MPZL1: variants seen among roughly 807,000 people sequenced by gnomAD.
MPZL1 encodes the protein myelin protein zero like 1, also known as myelin protein zero-like protein 1.
A neutral mutation model predicts 29.3 loss-of-function variants in MPZL1; 16 were observed. The observed-to-expected ratio is 0.55, with a 90% CI of 0.37 to 0.83. The LOEUF is 0.83. MPZL1 is among the 40% of genes least tolerant of loss of function. The pLI is 0.00. For missense variants in MPZL1, 279 were observed against 332.9 expected (o/e 0.84, Z 1.26); for synonymous variants, 143 against 132.0 (o/e 1.08, Z -0.57).
chr1:167,772,755 C>T (rs4657710), intron 3 of MPZL1, among the ~76,000 whole-genome samples: 9,058 of 152,170 alleles, frequency 0.06, 353 homozygotes, highest in Middle Eastern at 0.1. Context: ...ATGAATTTTT[C>T]AGTGTTAATT....
chr1:167,764,829 C>A lies in MPZL1; in HGVS notation c.92-754C>A, dbSNP rs893268057. 4.0e-5 allele frequency among the ~76,000 whole-genome samples: 6 copies of A among 151,192 alleles called. No individual in the cohort carries two copies. The East Asian group carries it at 1.2e-3, about 29-fold the overall frequency. ...AATAAAAAGAAATGAGATATTATGC[C>A]ACAAAAAGACACGGAAGAAAGTTAA... On this transcript the variant is annotated intron_variant, in intron 1 of 5. Coordinates refer to ENST00000359523, the MANE Select transcript of MPZL1 (RefSeq NM_003953.6).
rs542775945 is a variant in MPZL1 at position 167,737,170 on chromosome 1, T to C, written c.91+14928T>C. Among the ~76,000 whole-genome samples, 60 of 152,332 alleles carry C rather than the reference T, an allele frequency of 3.9e-4. 1 individual carries two copies. The highest frequency in any genetic ancestry group is 3.4e-3 in the Middle Eastern group (1 of 294). On this transcript the variant is annotated intron_variant, in intron 1 of 5. Coordinates refer to ENST00000359523, the MANE Select transcript of MPZL1 (RefSeq NM_003953.6). ...CCAAATACAGGAACTGTGTGTCTTATATACTTTGGGTCTCCAATGCTTAAC... is the reference window on the plus strand; with the variant it reads ...CCAAATACAGGAACTGTGTGTCTTACATACTTTGGGTCTCCAATGCTTAAC...
chr1:167,786,212 C>T (rs1661590313), intron 5 of MPZL1, among the ~76,000 whole-genome samples: 2 of 152,212 alleles, frequency 1.3e-5, no homozygotes, highest in Admixed American at 1.3e-4. Context: ...TTAATATTTC[C>T]TATGACAGCC....
At chr1:167,728,160 C>T (rs1660191327) in intron 1 of MPZL1, among the ~76,000 whole-genome samples, 1 of 151,706 alleles carries the variant, frequency 6.6e-6, no homozygotes, top group Non-Finnish European at 1.5e-5. Flanking sequence ...CTGCCTCAGC[C>T]TGCCGAGTAG....
At chr1:167,724,552 A>G (rs1197288604) in intron 1 of MPZL1, among the ~76,000 whole-genome samples, 1 of 152,236 alleles carries the variant, frequency 6.6e-6, no homozygotes, top group African/African-American at 2.4e-5. Context: ...GCTTGGAAAC[A>G]TTGATGCAGG....
chr1:167,760,305 C>T (rs1660956401), intron 1 of MPZL1, among the ~76,000 whole-genome samples: 1 of 152,146 alleles, frequency 6.6e-6, no homozygotes, highest in Non-Finnish European at 1.5e-5. Flanking sequence ...CGGGTTCACG[C>T]CATTCTCCTG....
In MPZL1 at chr1:167,791,356, C is replaced by A. The variant is rs1276932076; in HGVS notation, c.*3435C>A. On this transcript the variant is annotated 3_prime_UTR_variant, in exon 6 of 6. Coordinates refer to ENST00000359523, the MANE Select transcript of MPZL1 (RefSeq NM_003953.6). ...ACTGAGAACAATCCTGTGCCAAGCA[C>A]TGTGCTAAGCATAAGGAAACAAAAC... The A allele has an allele frequency of 6.6e-6, 1 of 152,246 alleles. No individual in the cohort carries two copies. Among genetic ancestry groups the A allele is most frequent in the Non-Finnish European group, 1.5e-5 (1 of 68,060 alleles). 9.4% of individuals were successfully genotyped at this position (152,246 alleles called of 1,614,324 possible). A position where few individuals can be genotyped will look rare whatever the true frequency, so the allele number is the denominator to read the frequency against.
chr1:167,723,019 A>G (rs1331039137), intron 1 of MPZL1, among the ~76,000 whole-genome samples: 2 of 152,254 alleles, frequency 1.3e-5, no homozygotes, highest in Admixed American at 1.3e-4. Flanking sequence ...TTGTGACTCA[A>G]GCTTAAGGTA....
intron 1 of MPZL1, chr1:167,764,954 A>G (rs955159147): frequency 6.6e-6 from 1 of 152,292 alleles, no homozygotes; most frequent in African/African-American, 2.4e-5. Context: ...TAGAGACAGT[A>G]TAAGGTCAGT....
intron 5 of MPZL1, among the ~76,000 whole-genome samples, chr1:167,782,674 C>T (rs1661520374): frequency 6.6e-6 from 1 of 152,142 alleles, no homozygotes; most frequent in South Asian, 2.1e-4. Flanking sequence ...TCAAAAAGGA[C>T]TTGGCAGATG....
intron 1 of MPZL1, among the ~76,000 whole-genome samples, chr1:167,758,062 G>A (rs1017835272): frequency 6.6e-6 from 1 of 151,604 alleles, no homozygotes; most frequent in African/African-American, 2.4e-5. Context: ...GCTGAGGCCA[G>A]AGAATCACTT....
intron 1 of MPZL1, among the ~76,000 whole-genome samples, chr1:167,724,000 G>A (rs1660093213): frequency 1.3e-5 from 2 of 152,156 alleles, no homozygotes; most frequent in African/African-American, 2.4e-5. Flanking sequence ...TGTTGCCCAG[G>A]CTGCTCTGGA....
intron 1 of MPZL1, among the ~76,000 whole-genome samples, chr1:167,742,421 T>C (rs1283114426): frequency 6.6e-6 from 1 of 152,112 alleles, no homozygotes; most frequent in Non-Finnish European, 1.5e-5. Flanking sequence ...CTTAATAGTA[T>C]CTTTCAAATA....
Position 167,765,730 on chromosome 1 carries a change from G to C in MPZL1, c.239G>C (p.Gly80Ala). The change falls in exon 2 of 6, where the codon GGG becomes GCG. Residue 80 changes from glycine to alanine, a missense_variant. Transcript: ENST00000359523. The part of the protein sequence containing the change: ...TSVSWSFQPE[G>A]ADTTVSFFHY... ...GTCTCCTGGAGCTTCCAGCCAGAGG[G>C]GGCCGACACTACTGTGTCGGTAAGA... is the stretch of plus-strand genomic sequence containing the variant. 5 of 1,610,916 alleles carry C rather than the reference G, an allele frequency of 3.1e-6. No homozygotes were observed. Among genetic ancestry groups the C allele is most frequent in the Non-Finnish European group, 4.2e-6 (5 of 1,178,582 alleles).
intron 1 of MPZL1, among the ~76,000 whole-genome samples, chr1:167,763,840 C>A (rs184092824): frequency 6.6e-6 from 1 of 152,268 alleles, no homozygotes; most frequent in African/African-American, 2.4e-5. Flanking sequence ...TAATAATAAT[C>A]CACCCTCTTT....
chr1:167,740,737 G>A (rs12038300), intron 1 of MPZL1, among the ~76,000 whole-genome samples: 20,919 of 152,062 alleles, frequency 0.14, 1,913 homozygotes, highest in East Asian at 0.35. Flanking sequence ...CTGCATATCC[G>A]GTTACCTGCT....
At chr1:167,730,018 A>C (rs1446145904) in intron 1 of MPZL1, among the ~76,000 whole-genome samples, 2 of 152,206 alleles carry the variant, frequency 1.3e-5, no homozygotes, top group Non-Finnish European at 1.5e-5. Context: ...CAAAGTCTCT[A>C]AACATTTTGG....
chr1:167,724,989 A>C (rs910695845), intron 1 of MPZL1, among the ~76,000 whole-genome samples: 1 of 152,214 alleles, frequency 6.6e-6, no homozygotes, highest in African/African-American at 2.4e-5. Context: ...AAGAGAGATA[A>C]AATGTGATAA....
intron 1 of MPZL1, among the ~76,000 whole-genome samples, chr1:167,727,952 T>C (rs1660184270): frequency 6.7e-6 from 1 of 149,960 alleles, no homozygotes; most frequent in Admixed American, 6.7e-5. Flanking sequence ...CACAGCAACC[T>C]CTGTCTCCCA....
Sources: allele counts gnomAD v4.1 joint callset (sites outside exome capture counted in the v4.1 genomes callset), GRCh38; gene constraint gnomAD v4.1.1; transcripts MANE v1.5; gene names NCBI Gene and HGNC (gene_info 2026-07-23, HGNC 2026-07-21).